CNOT1: variants seen among roughly 807,000 people sequenced by gnomAD.
CNOT1 encodes the protein CCR4-associated factor 1.
In CNOT1, 15 loss-of-function variants were observed where a neutral mutation model predicts 273.8. The ratio of observed to expected loss-of-function variants is 0.05; its 90% CI spans 0.04 to 0.08. The LOEUF is 0.08. Ranked by LOEUF, CNOT1 falls within the 10% of genes least tolerant of loss-of-function variation. The pLI is 1.00. For missense variants in CNOT1, 1,644 were observed against 2,912.2 expected (o/e 0.56, Z 10.02); for synonymous variants, 1,022 against 1,005.5 (o/e 1.02, Z -0.31).
At chr16:58,568,355 C>T (rs191803264) in intron 16 of CNOT1, among the ~76,000 whole-genome samples, 54 of 139,896 alleles carry the variant, frequency 3.9e-4, no homozygotes, top group South Asian at 1.1e-3. Flanking sequence ...GCAACAAGAG[C>T]GAAACTCCAT....
intron 1 of CNOT1, among the ~76,000 whole-genome samples, chr16:58,622,584 C>T (rs879324572): frequency 2.0e-5 from 3 of 152,118 alleles, no homozygotes; most frequent in African/African-American, 4.8e-5. Context: ...TATAGGCTCA[C>T]GCCTATAATC....
At chr16:58,578,636 C>T (rs2041551527) in intron 13 of CNOT1, 63 bp downstream of exon 13, 2 of 1,575,466 alleles carry the variant, frequency 1.3e-6, no homozygotes, top group Admixed American at 3.5e-5. Context: ...TGAGCTTCCT[C>T]AACACTCCAA....
At chr16:58,553,652 T>C in intron 22 of CNOT1, 130 bp downstream of exon 22, 1 of 1,134,950 alleles carries the variant, frequency 8.8e-7, no homozygotes, top group Non-Finnish European at 1.2e-6. Flanking sequence ...AAAAGATATG[T>C]GTACCTATAT....
At chr16:58,608,775 T>C (rs2042782606) in intron 1 of CNOT1, among the ~76,000 whole-genome samples, 1 of 152,120 alleles carries the variant, frequency 6.6e-6, no homozygotes, top group Admixed American at 6.6e-5. Flanking sequence ...AACGGAATAG[T>C]ACTCAGCCAT....
chr16:58,627,403 C>CAAAAAAAAAA (rs754338444), intron 1 of CNOT1, among the ~76,000 whole-genome samples: 2 of 65,160 alleles, frequency 3.1e-5, no homozygotes, highest in Non-Finnish European at 5.1e-5. Context: ...GACTCCATCT[C>CAAAAAAAAAA]AAAAAAAAAA....
intron 1 of CNOT1, among the ~76,000 whole-genome samples, chr16:58,627,897 G>A (rs1271617107): frequency 6.6e-6 from 1 of 152,044 alleles, no homozygotes; most frequent in Non-Finnish European, 1.5e-5. Context: ...GCTCTATCTC[G>A]GCTCACTGCA....
chr16:58,525,452 G>T, intron 45 of CNOT1, 93 bp from the exon 46 acceptor site: 1 of 1,049,368 alleles, frequency 9.5e-7, no homozygotes, highest in Non-Finnish European at 1.4e-6. Context: ...CACCTTCATG[G>T]AAAGGCCAAA....
Position 58,520,142 on chromosome 16 carries a change from T to G in CNOT1, c.*816A>C, listed in dbSNP as rs1230113325. 6.6e-6 allele frequency: 1 copy of G among 152,202 alleles called. No individual in the cohort carries two copies. The highest frequency in any genetic ancestry group is 1.5e-5 in the Non-Finnish European group (1 of 68,038). 9.4% of individuals were successfully genotyped at this position (152,202 alleles called of 1,614,324 possible). The stretch of plus-strand genomic sequence containing the variant: ...TTATTCAGCTTAGCCTGTATGGCCA[T>G]TCATTCAGTGGGGTAATGGGGGAGA... On this transcript the variant is annotated 3_prime_UTR_variant, in exon 49 of 49. Transcript: ENST00000317147.
At chr16:58,528,973 A>G (rs2039687763) in intron 43 of CNOT1, among the ~76,000 whole-genome samples, 2 of 152,058 alleles carry the variant, frequency 1.3e-5, no homozygotes, top group Non-Finnish European at 2.9e-5. Context: ...AAAACCAAAG[A>G]AAGTAGAGTA....
intron 46 of CNOT1, 120 bp from the exon 47 acceptor site, chr16:58,523,622 G>T: frequency 1.1e-6 from 1 of 880,948 alleles, no homozygotes; most frequent in Non-Finnish European, 1.7e-6. Context: ...TTGGTTTAAA[G>T]CAGTGGTTCT....
intron 1 of CNOT1, among the ~76,000 whole-genome samples, chr16:58,599,846 A>G (rs1034519107): frequency 6.6e-6 from 1 of 152,072 alleles, no homozygotes; most frequent in Admixed American, 6.6e-5. Flanking sequence ...CAGGCAGATC[A>G]CAAGGGCAGG....
chr16:58,611,596 G>A (rs984384896), intron 1 of CNOT1, among the ~76,000 whole-genome samples: 4 of 152,266 alleles, frequency 2.6e-5, no homozygotes, highest in Non-Finnish European at 5.9e-5. Context: ...CAAGGAAGGA[G>A]GATCACCTAA....
intron 12 of CNOT1, among the ~76,000 whole-genome samples, chr16:58,579,141 A>C (rs1217031388): frequency 6.6e-6 from 1 of 152,212 alleles, no homozygotes; most frequent in Non-Finnish European, 1.5e-5. Context: ...ACTGAGCCTG[A>C]AGATCTAACT....
intron 31 of CNOT1, among the ~76,000 whole-genome samples, chr16:58,543,000 C>G (rs1435944621): frequency 6.6e-6 from 1 of 151,942 alleles, no homozygotes; most frequent in Non-Finnish European, 1.5e-5. Context: ...GGCTGAAGCA[C>G]GAGAATCAGT....
intron 22 of CNOT1, 47 bp from the exon 23 acceptor site, chr16:58,551,866 C>A (rs377344075): frequency 4.4e-6 from 7 of 1,601,922 alleles, no homozygotes; most frequent in Non-Finnish European, 6.0e-6. Context: ...ATTGCTAAGT[C>A]TGGATTATAC....
At chr16:58,605,369 G>A (rs1023774948) in intron 1 of CNOT1, among the ~76,000 whole-genome samples, 6 of 151,928 alleles carry the variant, frequency 3.9e-5, no homozygotes, top group Non-Finnish European at 7.4e-5. Flanking sequence ...CGGGTGTGGT[G>A]GTGCACACCT....
chr16:58,626,818 T>C (rs755233708), intron 1 of CNOT1, among the ~76,000 whole-genome samples: 4 of 151,880 alleles, frequency 2.6e-5, no homozygotes, highest in Non-Finnish European at 5.9e-5. Flanking sequence ...TCATAACAAA[T>C]ATTTTGCAAA....
intron 16 of CNOT1, among the ~76,000 whole-genome samples, chr16:58,570,458 T>C (rs1555498272): frequency 1.3e-5 from 2 of 152,150 alleles, no homozygotes; most frequent in Non-Finnish European, 1.5e-5. Context: ...GGCAACATAC[T>C]GAGAACCTCA....
chr16:58,605,433 G>C (rs1053684633), intron 1 of CNOT1, among the ~76,000 whole-genome samples: 1 of 151,812 alleles, frequency 6.6e-6, no homozygotes. Context: ...AACCCAGGAG[G>C]CGGAGGCTGA....
Sources: allele counts gnomAD v4.1 joint callset (sites outside exome capture counted in the v4.1 genomes callset), GRCh38; gene constraint gnomAD v4.1.1; transcripts MANE v1.5; gene names NCBI Gene and HGNC (gene_info 2026-07-23, HGNC 2026-07-21).